PRLR: variants seen among roughly 807,000 people sequenced by gnomAD.
PRLR encodes the protein prolactin receptor.
PRLR carries 13 observed loss-of-function variants against 40.2 expected under a neutral mutation model. The ratio of observed to expected loss-of-function variants is 0.32; its 90% CI spans 0.21 to 0.51. The LOEUF (loss-of-function observed/expected upper bound fraction) is 0.51, where lower values mean the gene tolerates loss of function less well. Among genes scored for constraint, PRLR ranks in the 20% least tolerant of loss-of-function variants. PRLR has a pLI of 0.97. For missense variants in PRLR, 656 were observed against 747.3 expected, an observed-to-expected ratio of 0.88 and a Z score of 1.42; for synonymous variants, 269 against 278.7, an observed-to-expected ratio of 0.97 and a Z score of 0.35.
chr5:35,069,447 G>A lies in PRLR; in HGVS notation c.686-569C>T, dbSNP rs562245630. Among the ~76,000 whole-genome samples the A allele has an allele frequency of 4.6e-5, 7 of 152,332 alleles. No homozygotes were observed. The South Asian group carries it at 8.3e-4, about 18-fold the overall frequency. On this transcript the variant is annotated intron_variant, in intron 7 of 9. Coordinates refer to ENST00000618457, the MANE Select transcript of PRLR (RefSeq NM_000949.7). ...CAGCATGCCAAGCCAATGAAAGCCC[G>A]ATACTTTGGTCAGGCAAGTTGTTAG...
chr5:35,148,025 A>G (rs1174439697), intron 1 of PRLR, among the ~76,000 whole-genome samples: 2 of 152,102 alleles, frequency 1.3e-5, no homozygotes, highest in African/African-American at 4.8e-5. Flanking sequence ...AACAACAGGG[A>G]ATTAATCATA....
intron 5 of PRLR, among the ~76,000 whole-genome samples, chr5:35,077,918 C>G (rs1162894277): frequency 1.3e-5 from 2 of 152,216 alleles, no homozygotes; most frequent in Admixed American, 1.3e-4. Flanking sequence ...AACTGCTCAA[C>G]TACATGGAAA....
chr5:35,108,960 C>T (rs556113466), intron 2 of PRLR, among the ~76,000 whole-genome samples: 79 of 152,314 alleles, frequency 5.2e-4, no homozygotes, highest in African/African-American at 1.9e-3. Context: ...TGCCTGACTT[C>T]AAACTATACT....
At chr5:35,118,314 A>G (rs2111713793) in intron 1 of PRLR, among the ~76,000 whole-genome samples, 192 bp from the exon 2 acceptor site, 1 of 145,816 alleles carries the variant, frequency 6.9e-6, no homozygotes, top group African/African-American at 2.8e-5. Context: ...GAAAAGTTAT[A>G]AAATAGTAAA....
At chr5:35,164,694 T>A (rs1774769849) in intron 1 of PRLR, among the ~76,000 whole-genome samples, 1 of 152,078 alleles carries the variant, frequency 6.6e-6, no homozygotes, top group Non-Finnish European at 1.5e-5. Context: ...TTTAAAATAT[T>A]ATTTTGGCAA....
chr5:35,166,463 A>AT (rs1211173191), intron 1 of PRLR, among the ~76,000 whole-genome samples: 1 of 152,022 alleles, frequency 6.6e-6, no homozygotes, highest in African/African-American at 2.4e-5. Context: ...TGTAATCTTT[A>AT]TTTTTTTCAA....
chr5:35,145,165 G>A lies in PRLR; in HGVS notation c.-105-27043C>T, dbSNP rs10059589. Among the ~76,000 whole-genome samples, 499 of 152,220 alleles carry A rather than the reference G, an allele frequency of 3.3e-3. 4 individuals are homozygous for A. The highest frequency in any genetic ancestry group is 0.012 in the African/African-American group (480 of 41,530). The stretch of plus-strand genomic sequence containing the variant: ...GCACTGAAAATTGATTTTCACAAAC[G>A]TTTTATGCTGGAAAAGGGCACAGGA... On this transcript the variant is annotated intron_variant, in intron 1 of 9. Coordinates refer to ENST00000618457, the MANE Select transcript of PRLR (RefSeq NM_000949.7).
intron 2 of PRLR, among the ~76,000 whole-genome samples, chr5:35,111,804 T>C (rs1772677530): frequency 6.6e-6 from 1 of 152,222 alleles, no homozygotes; most frequent in Non-Finnish European, 1.5e-5. Flanking sequence ...TATACATATC[T>C]CTATATGTGC....
intron 5 of PRLR, among the ~76,000 whole-genome samples, chr5:35,080,535 G>T (rs149344059): frequency 7.4e-4 from 112 of 152,250 alleles, no homozygotes; most frequent in African/African-American, 2.5e-3. Flanking sequence ...TAAAAAGTCA[G>T]GAAACAACAG....
chr5:35,050,729 T>C (rs565124158), downstream of PRLR, among the ~76,000 whole-genome samples: 48 of 152,212 alleles, frequency 3.2e-4, no homozygotes, highest in Non-Finnish European at 6.8e-4. Context: ...CTGTCAATAA[T>C]AGAGTCCAGT....
chr5:35,200,751 G>T (rs544845572), intron 1 of PRLR, among the ~76,000 whole-genome samples: 2 of 152,102 alleles, frequency 1.3e-5, no homozygotes, highest in African/African-American at 4.8e-5. Flanking sequence ...CCCTACATAC[G>T]CCTGGCCTGA....
chr5:35,096,982 C>T (rs1338698077), intron 2 of PRLR, among the ~76,000 whole-genome samples: 1 of 152,122 alleles, frequency 6.6e-6, no homozygotes, highest in Non-Finnish European at 1.5e-5. Flanking sequence ...CAGAATTGAG[C>T]CCACTTGGAA....
intron 1 of PRLR, among the ~76,000 whole-genome samples, chr5:35,160,697 T>C (rs1195832647): frequency 6.6e-6 from 1 of 152,196 alleles, no homozygotes; most frequent in Non-Finnish European, 1.5e-5. Flanking sequence ...ATGTCTGACA[T>C]GGTTGGCTCC....
At chr5:35,076,115 T>A (rs1253488599) in intron 5 of PRLR, among the ~76,000 whole-genome samples, 1 of 152,160 alleles carries the variant, frequency 6.6e-6, no homozygotes, top group Non-Finnish European at 1.5e-5. Flanking sequence ...CTGAACATTT[T>A]AAAAATCAGA....
intron 1 of PRLR, among the ~76,000 whole-genome samples, chr5:35,145,234 C>A (rs1371348840): frequency 6.6e-6 from 1 of 152,116 alleles, no homozygotes; most frequent in African/African-American, 2.4e-5. Context: ...TTTCTATAAT[C>A]TATTGCTGGA....
intron 2 of PRLR, among the ~76,000 whole-genome samples, chr5:35,105,581 T>C (rs1772185921): frequency 6.6e-6 from 1 of 152,242 alleles, no homozygotes; most frequent in Non-Finnish European, 1.5e-5. Flanking sequence ...ATATGACGCA[T>C]GCACAAGCTT....
chr5:35,186,026 T>C (rs531089695), intron 1 of PRLR, among the ~76,000 whole-genome samples: 2 of 152,274 alleles, frequency 1.3e-5, no homozygotes, highest in South Asian at 2.1e-4. Context: ...TCGCCATATA[T>C]GGATCTACAG....
chr5:35,193,746 G>A (rs895804170), intron 1 of PRLR, among the ~76,000 whole-genome samples: 15 of 152,266 alleles, frequency 9.9e-5, no homozygotes, highest in African/African-American at 2.4e-4. Flanking sequence ...CACAGCTGCC[G>A]CATCATCCTC....
At chr5:35,066,888 C>T (rs985271627) in intron 9 of PRLR, among the ~76,000 whole-genome samples, 14 of 151,840 alleles carry the variant, frequency 9.2e-5, no homozygotes, top group African/African-American at 1.5e-4. Flanking sequence ...CTCAGCCTCC[C>T]GAGTAGCTGG....
Sources: gnomAD v4.1 joint callset for allele counts (sites outside exome capture counted in the v4.1 genomes callset) on GRCh38, gnomAD v4.1.1 for gene constraint, MANE v1.5 for transcripts, NCBI Gene and HGNC (gene_info 2026-07-23, HGNC 2026-07-21) for gene names.